ARFGEF3: variants seen among roughly 807,000 people sequenced by gnomAD.
The protein encoded by ARFGEF3 is brefeldin A-inhibited guanine nucleotide-exchange protein 3.
In ARFGEF3, 96 loss-of-function variants were observed where a neutral mutation model predicts 221.7. The ratio of observed to expected loss-of-function variants is 0.43; its 90% CI spans 0.37 to 0.51. ARFGEF3 has a LOEUF of 0.51. Ranked by LOEUF, ARFGEF3 falls within the 20% of genes least tolerant of loss-of-function variation. The pLI is 0.00. For synonymous variants in ARFGEF3, 1,145 were observed against 1,126.8 expected, an observed-to-expected ratio of 1.02 and a Z score of -0.32; for missense variants, 2,410 against 2,789.9, an observed-to-expected ratio of 0.86 and a Z score of 3.07.
At position 138,308,215 on chromosome 6, in the gene ARFGEF3, G is replaced by A. The variant is rs377128364; in HGVS notation, c.3974-524G>A. On this transcript the variant is annotated intron_variant, in intron 23 of 33. Transcript: ENST00000251691. Reference sequence around the variant, plus strand: ...ATAAACCGTATGGTTTGTATGAACAGTCTAGGCACGGTGAACTACTCTTAT... The same window carrying A: ...ATAAACCGTATGGTTTGTATGAACAATCTAGGCACGGTGAACTACTCTTAT... Among the ~76,000 whole-genome samples the A allele has an allele frequency of 5.3e-4, 81 of 152,294 alleles. 2 individuals are homozygous for A. Among genetic ancestry groups the A allele is most frequent in the African/African-American group, 1.7e-3 (72 of 41,568 alleles).
At chr6:138,193,563 C>T (rs79218711) in intron 2 of ARFGEF3, among the ~76,000 whole-genome samples, 5,423 of 152,238 alleles carry the variant, frequency 0.036, 300 homozygotes, top group African/African-American at 0.12. Context: ...CTATTTATTA[C>T]TAAAACTCTT....
intron 2 of ARFGEF3, among the ~76,000 whole-genome samples, chr6:138,197,310 T>C (rs1777447431): frequency 6.6e-6 from 1 of 152,206 alleles, no homozygotes; most frequent in Non-Finnish European, 1.5e-5. Flanking sequence ...TCTCCTATGA[T>C]ACCAATGGCT....
At chr6:138,317,507 G>T (rs1779947484) in intron 27 of ARFGEF3, 128 bp downstream of exon 27, 1 of 1,110,336 alleles carries the variant, frequency 9.0e-7, no homozygotes, top group East Asian at 2.5e-5. Context: ...ACACGTAAGA[G>T]GTGCTCAATA....
intron 2 of ARFGEF3, among the ~76,000 whole-genome samples, chr6:138,204,440 TAC>T (rs1468000833): frequency 3.3e-5 from 5 of 149,608 alleles, no homozygotes; most frequent in African/African-American, 1.2e-4. Flanking sequence ...CTGGACAAAC[TAC>T]AGCCTGTAGG....
chr6:138,324,446 T>TGTAA (rs1562216712), intron 31 of ARFGEF3, among the ~76,000 whole-genome samples: 1 of 152,238 alleles, frequency 6.6e-6, no homozygotes, highest in Non-Finnish European at 1.5e-5. Context: ...TTGAGCTACC[T>TGTAA]GTAAGTATTT....
rs114311097 is a variant in ARFGEF3 at position 138,261,116 on chromosome 6, A to G, written c.1105-411A>G. 6.0e-3 allele frequency among the ~76,000 whole-genome samples: 912 copies of G among 152,328 alleles called. 7 individuals are homozygous for G. The highest frequency in any genetic ancestry group is 0.02 in the African/African-American group (852 of 41,570). ...CAATCTTCCATGAACTTTTTCAGCA[A>G]TAAGAAAGAGGGCATACTTCTCCAC... On this transcript the variant is annotated intron_variant, in intron 10 of 33. Coordinates refer to ENST00000251691, the MANE Select transcript of ARFGEF3 (RefSeq NM_020340.5).
chr6:138,206,712 A>C (rs1777630088), intron 2 of ARFGEF3, among the ~76,000 whole-genome samples: 1 of 152,216 alleles, frequency 6.6e-6, no homozygotes, highest in African/African-American at 2.4e-5. Flanking sequence ...GGGTGTGAGC[A>C]GTGCTGTTAA....
intron 12 of ARFGEF3, among the ~76,000 whole-genome samples, chr6:138,266,390 G>T (rs543952219): frequency 6.6e-6 from 1 of 151,964 alleles, no homozygotes; most frequent in Non-Finnish European, 1.5e-5. Context: ...AAGGGAAAGG[G>T]TCTCACTGTG....
At chr6:138,279,953 T>C (rs1779166841) in intron 13 of ARFGEF3, 46 bp from the exon 14 acceptor site, 1 of 1,594,940 alleles carries the variant, frequency 6.3e-7, no homozygotes, top group African/African-American at 1.3e-5. Context: ...AGCCTGTTAG[T>C]GAGCAGGGTG....
chr6:138,254,072 A>G (rs1778629231), intron 9 of ARFGEF3, 88 bp downstream of exon 9: 1 of 785,796 alleles, frequency 1.3e-6, no homozygotes, highest in Non-Finnish European at 2.0e-6. Flanking sequence ...CATGAAGTCC[A>G]TGACCCACCA....
At chr6:138,332,241 CAG>C (rs2114696192) in intron 32 of ARFGEF3, among the ~76,000 whole-genome samples, 1 of 150,358 alleles carries the variant, frequency 6.7e-6, no homozygotes, top group African/African-American at 2.5e-5. Flanking sequence ...AACCATTTCT[CAG>C]GGGGAGCATT....
chr6:138,206,537 C>CT (rs1320955990), intron 2 of ARFGEF3, among the ~76,000 whole-genome samples: 15 of 152,066 alleles, frequency 9.9e-5, no homozygotes, highest in African/African-American at 3.4e-4. Context: ...TTGTTGAATT[C>CT]TTTGAGTTGA....
In ARFGEF3 at chr6:138,218,488, G is replaced by A. The variant is rs1050951698; in HGVS notation, c.351+8447G>A. On this transcript the variant is annotated intron_variant, in intron 4 of 33. Coordinates refer to ENST00000251691, the MANE Select transcript of ARFGEF3 (RefSeq NM_020340.5). Reference sequence around the variant, plus strand: ...CAATTAGCCACCTCGATATATTTAAGGTCCTAACCATCAGCCATGATTCCA... The same window carrying A: ...CAATTAGCCACCTCGATATATTTAAAGTCCTAACCATCAGCCATGATTCCA... The A allele has an allele frequency of 4.8e-6, 7 of 1,446,048 alleles. No homozygotes were observed. In the African/African-American group the frequency reaches 1.0e-4, roughly 21 times the overall value. The allele number at this position is 1,446,048 out of a possible 1,614,324, so 89.6% of individuals were successfully genotyped here. A position where few individuals can be genotyped will look rare whatever the true frequency, so the allele number is the denominator to read the frequency against.
At chr6:138,234,437 C>T (rs78087757) in intron 5 of ARFGEF3, among the ~76,000 whole-genome samples, 2,412 of 152,070 alleles carry the variant, frequency 0.016, 57 homozygotes, top group African/African-American at 0.051. Flanking sequence ...ACTTAGACAG[C>T]TGTTTCCTAG....
At chr6:138,308,957 A>G in intron 24 of ARFGEF3, 96 bp downstream of exon 24, 1 of 1,441,412 alleles carries the variant, frequency 6.9e-7, no homozygotes, top group Non-Finnish European at 9.6e-7. Context: ...TGTCTGGAAC[A>G]AGCACGCATC....
rs1051140712 is a variant in ARFGEF3 at position 138,317,515 on chromosome 6, A to G, written c.4474+136A>G. Reference sequence around the variant, plus strand: ...AAAGCTCACACGTAAGAGGTGCTCAATAAATGTTTGTTGAATGGTAGTGAT... The same window carrying G: ...AAAGCTCACACGTAAGAGGTGCTCAGTAAATGTTTGTTGAATGGTAGTGAT... On this transcript the variant is annotated intron_variant, in intron 27 of 33. Transcript: ENST00000251691. 49 of 1,051,144 alleles carry G rather than the reference A, an allele frequency of 4.7e-5. 1 individual carries two copies. In the South Asian group the frequency reaches 7.1e-4, roughly 15 times the overall value. 65.1% of individuals were successfully genotyped at this position (1,051,144 alleles called of 1,614,324 possible). A position where few individuals can be genotyped will look rare whatever the true frequency, so the allele number is the denominator to read the frequency against.
rs1271711942 is a variant in ARFGEF3, at chr6:138,261,651, A to T, written c.1217+12A>T. ...GATCTCCTCAAACTGTATGATGTTTATCCTTTTAAGTCTTTATTGAGGCTG... is the reference window on the plus strand; with the variant it reads ...GATCTCCTCAAACTGTATGATGTTTTTCCTTTTAAGTCTTTATTGAGGCTG... On this transcript the variant is annotated intron_variant, in intron 11 of 33. Transcript: ENST00000251691. 5 of 1,486,660 alleles carry T rather than the reference A, an allele frequency of 3.4e-6. No homozygotes were observed. Among genetic ancestry groups the T allele is most frequent in the Admixed American group, 4.1e-5 (2 of 48,222 alleles). The allele number at this position is 1,486,660 out of a possible 1,614,324, so 92.1% of individuals were successfully genotyped here.
chr6:138,214,125 A>T (rs1777788808), intron 4 of ARFGEF3, among the ~76,000 whole-genome samples: 2 of 152,198 alleles, frequency 1.3e-5, no homozygotes, highest in Admixed American at 6.5e-5. Flanking sequence ...TAATTCGGTA[A>T]TACTTGTAAT....
At chr6:138,197,974 G>A (rs567663254) in intron 2 of ARFGEF3, among the ~76,000 whole-genome samples, 1 of 152,268 alleles carries the variant, frequency 6.6e-6, no homozygotes, top group East Asian at 1.9e-4. Context: ...ATTGAGCTGA[G>A]CTCTTTCTTA....
Sources: allele counts gnomAD v4.1 joint callset (sites outside exome capture counted in the v4.1 genomes callset), GRCh38; gene constraint gnomAD v4.1.1; transcripts MANE v1.5; gene names NCBI Gene and HGNC (gene_info 2026-07-23, HGNC 2026-07-21).